Variants in WWP1 observed in about 807,000 individuals in gnomAD.
The protein encoded by WWP1 is WW domain containing E3 ubiquitin protein ligase 1, also known as NEDD4-like E3 ubiquitin-protein ligase WWP1.
In WWP1, 49 loss-of-function variants were observed where a neutral mutation model predicts 130.6. That is an observed-to-expected ratio of 0.38 (90% CI 0.30 to 0.48). The LOEUF (loss-of-function observed/expected upper bound fraction) is 0.48. WWP1 is among the 20% of genes least tolerant of loss of function. The probability of loss-of-function intolerance (pLI) is 0.99; values close to 1 mark genes in which losing one functional copy is unlikely to be tolerated. For missense variants in WWP1, 809 were observed against 1,100.6 expected, an observed-to-expected ratio of 0.74 and a Z score of 3.75; for synonymous variants, 332 against 367.8, an observed-to-expected ratio of 0.90 and a Z score of 1.11.
At chr8:86,427,260 G>A (rs937314389) in intron 10 of WWP1, among the ~76,000 whole-genome samples, 7 of 151,992 alleles carry the variant, frequency 4.6e-5, no homozygotes, top group African/African-American at 1.7e-4. Flanking sequence ...TTATATTAGG[G>A]CTAATGCTTT....
chr8:86,361,584 A>G (rs1407655846), intron 1 of WWP1, among the ~76,000 whole-genome samples: 2 of 152,074 alleles, frequency 1.3e-5, no homozygotes, highest in Non-Finnish European at 2.9e-5. Context: ...TACCCTTCCT[A>G]ACAGAACTAC....
chr8:86,460,451 TG>T lies in WWP1; in HGVS notation c.2500-769del, dbSNP rs1811694617. 2.0e-5 allele frequency among the ~76,000 whole-genome samples: 3 copies of T among 152,136 alleles called. No individual in the cohort carries two copies. In the South Asian group the frequency reaches 6.2e-4, roughly 31 times the overall value. On this transcript the variant is annotated intron_variant, in intron 22 of 24. Transcript: ENST00000517970. ...GGCCTCCATTTCCTTATATGTACAGTGGGGATGCTAATGATTCTACCTATCT... is the reference window on the plus strand; with the variant it reads ...GGCCTCCATTTCCTTATATGTACAGTGGGATGCTAATGATTCTACCTATCT...
At chr8:86,434,959 C>A (rs971958625) in intron 14 of WWP1, among the ~76,000 whole-genome samples, 25 of 152,176 alleles carry the variant, frequency 1.6e-4, no homozygotes, top group African/African-American at 5.1e-4. Context: ...GGTGCCGTGC[C>A]ACCAACTCTG....
intron 5 of WWP1, 128 bp downstream of exon 5, chr8:86,381,757 A>G: frequency 2.1e-6 from 2 of 956,046 alleles, no homozygotes; most frequent in Non-Finnish European, 2.9e-6. Context: ...CTTGTGATTG[A>G]TTAACTTTGT....
chr8:86,401,617 T>C (rs953495403), intron 7 of WWP1, among the ~76,000 whole-genome samples: 3 of 152,104 alleles, frequency 2.0e-5, no homozygotes, highest in African/African-American at 7.2e-5. Context: ...TATAATTTCA[T>C]GAACTTTTTG....
At chr8:86,361,995 TATATATAC>T (rs1823640884) in intron 1 of WWP1, among the ~76,000 whole-genome samples, 20 of 129,428 alleles carry the variant, frequency 1.5e-4, no homozygotes, top group Non-Finnish European at 2.4e-4. Flanking sequence ...TATATATACA[TATATATAC>T]ACACATATAT....
chr8:86,427,896 A>T, intron 11 of WWP1, 79 bp downstream of exon 11: 2 of 1,382,258 alleles, frequency 1.4e-6, no homozygotes. Flanking sequence ...CTATCCCTTG[A>T]CCATAATCAC....
In WWP1 at chr8:86,467,022, G is replaced by T; in HGVS notation, c.*129G>T. 1 of 670,468 alleles carries T rather than the reference G, an allele frequency of 1.5e-6. No homozygotes were observed. The highest frequency in any genetic ancestry group is 2.9e-5 in the Admixed American group (1 of 34,316). The allele number at this position is 670,468 out of a possible 1,614,324, so 41.5% of individuals were successfully genotyped here. On this transcript the variant is annotated 3_prime_UTR_variant, in exon 25 of 25. Coordinates refer to ENST00000517970, the MANE Select transcript of WWP1 (RefSeq NM_007013.4). Reference sequence around the variant, plus strand: ...CCGAACCTCTCAAAGTATGTTTTCCGTTCTTCCACAGAAATATGCAAAACA... The same window carrying T: ...CCGAACCTCTCAAAGTATGTTTTCCTTTCTTCCACAGAAATATGCAAAACA...
At chr8:86,383,800 G>T (rs1049770968) in intron 5 of WWP1, among the ~76,000 whole-genome samples, 1 of 152,060 alleles carries the variant, frequency 6.6e-6, no homozygotes, top group Non-Finnish European at 1.5e-5. Context: ...AGTAGGATAC[G>T]GATATGCTCA....
chr8:86,412,413 A>G (rs937544704), intron 9 of WWP1, among the ~76,000 whole-genome samples: 1 of 152,206 alleles, frequency 6.6e-6, no homozygotes. Flanking sequence ...AGAGTATTCT[A>G]TATGTGTATT....
At chr8:86,445,976 C>CTTTTTTTTTTTTTTT (rs56731329) in intron 18 of WWP1, among the ~76,000 whole-genome samples, 31 of 84,960 alleles carry the variant, frequency 3.6e-4, no homozygotes, top group Middle Eastern at 8.9e-3. Context: ...CTTTTCTTTT[C>CTTTTTTTTTTTTTTT]TTTTTTTTTT....
At position 86,380,800 on chromosome 8, in the gene WWP1, G is replaced by C; in HGVS notation, c.145G>C (p.Glu49Gln). Residue 49 changes from glutamate to glutamine, a missense_variant, in exon 4 of 25, where the codon GAA becomes CAA. Physicochemically the swap from Glu to Gln is conservative, Grantham distance 29. Transcript: ENST00000517970. ...ATATACAGAAGTAGTTGTAGATGGA[G>C]AAATTACGAAAACAGCAAAATCCAG... ...AIYTEVVVDG[E>Q]ITKTAKSSSS... is the part of the protein sequence containing the mutation. 1 of 1,613,402 alleles carries C rather than the reference G, an allele frequency of 6.2e-7. No homozygotes were observed. Among genetic ancestry groups the C allele is most frequent in the Non-Finnish European group, 8.5e-7 (1 of 1,179,682 alleles).
chr8:86,383,735 C>G (rs1825122987), intron 5 of WWP1, among the ~76,000 whole-genome samples: 2 of 152,098 alleles, frequency 1.3e-5, no homozygotes, highest in African/African-American at 4.8e-5. Context: ...GAGCGAGACT[C>G]CCTCTCAAAA....
chr8:86,370,924 G>A (rs1824259168), intron 2 of WWP1, among the ~76,000 whole-genome samples: 1 of 123,382 alleles, frequency 8.1e-6, no homozygotes, highest in South Asian at 2.6e-4. Context: ...GGAGTGCAGT[G>A]GCAAGATCTT....
At position 86,438,602 on chromosome 8, in the gene WWP1, C is replaced by T. The variant is rs747722890; in HGVS notation, c.1767C>T (p.Pro589=). ...DSFQQIMALK[P]YDLRRRLYVI... ...TTAATTAGATTATGGCATTAAAACC[C>T]TATGACTTGAGGAGGCGCTTATATG... is the stretch of plus-strand genomic sequence containing the variant. Residue 589 remains proline, a synonymous_variant, in exon 17 of 25, where the codon CCC becomes CCT. Transcript: ENST00000517970. The T allele has an allele frequency of 1.2e-6, 2 of 1,606,356 alleles. No homozygotes were observed. The highest frequency in any genetic ancestry group is 1.7e-6 in the Non-Finnish European group (2 of 1,177,848).
At chr8:86,388,246 C>T (rs1472938054) in intron 5 of WWP1, among the ~76,000 whole-genome samples, 2 of 151,014 alleles carry the variant, frequency 1.3e-5, no homozygotes, top group Admixed American at 6.6e-5. Context: ...TCAGTAGGTA[C>T]CAGGTTGTCT....
intron 4 of WWP1, 111 bp downstream of exon 4, chr8:86,380,975 G>A: frequency 7.7e-7 from 1 of 1,291,634 alleles, no homozygotes; most frequent in Non-Finnish European, 1.0e-6. Context: ...TTTTTAAAGT[G>A]TGGATCGACA....
chr8:86,466,720 T>G (rs546948516), intron 24 of WWP1, 74 bp from the exon 25 acceptor site: 1 of 1,045,882 alleles, frequency 9.6e-7, no homozygotes, highest in South Asian at 1.6e-5. Context: ...CATTTCTATG[T>G]GCTTTGAAAA....
chr8:86,438,720 G>T (rs766179741), intron 17 of WWP1, 47 bp downstream of exon 17: 1 of 1,428,320 alleles, frequency 7.0e-7, no homozygotes, highest in East Asian at 2.3e-5. Context: ...ATATCTCATT[G>T]TATACAGGGA....
Sources: allele counts gnomAD v4.1 joint callset (sites outside exome capture counted in the v4.1 genomes callset), GRCh38; gene constraint gnomAD v4.1.1; transcripts MANE v1.5; gene names NCBI Gene and HGNC (gene_info 2026-07-23, HGNC 2026-07-21).